Variants in GRIN2A observed in about 807,000 individuals in gnomAD.
GRIN2A encodes the protein glutamate receptor ionotropic, NMDA 2A.
A neutral mutation model predicts 113.4 loss-of-function variants in GRIN2A; 22 were observed. The observed-to-expected ratio is 0.19, with a 90% CI of 0.14 to 0.28. GRIN2A has a LOEUF of 0.28. GRIN2A is among the 10% of genes least tolerant of loss of function. The probability of loss-of-function intolerance (pLI) is 1.00; values close to 1 mark genes in which losing one functional copy is unlikely to be tolerated. For synonymous variants in GRIN2A, 827 were observed against 738.4 expected (o/e 1.12, Z -1.94); for missense variants, 1,502 against 1,887.0 (o/e 0.80, Z 3.78).
At chr16:10,008,568 T>C (rs1401307637) in intron 2 of GRIN2A, among the ~76,000 whole-genome samples, 3 of 152,194 alleles carry the variant, frequency 2.0e-5, no homozygotes, top group African/African-American at 7.2e-5. Context: ...CTAGGCAATG[T>C]TTACCCAAAA....
intron 2 of GRIN2A, among the ~76,000 whole-genome samples, chr16:9,980,702 G>T (rs1257048378): frequency 6.6e-6 from 1 of 151,988 alleles, no homozygotes; most frequent in African/African-American, 2.4e-5. Flanking sequence ...ATGGATGAAG[G>T]CTGGAAACCA....
At chr16:9,903,228 A>G (rs1183606103) in intron 3 of GRIN2A, among the ~76,000 whole-genome samples, 3 of 152,180 alleles carry the variant, frequency 2.0e-5, no homozygotes, top group African/African-American at 4.8e-5. Flanking sequence ...TCGGCCTCCC[A>G]AAGTGCTGGG....
rs190006327 is a variant in GRIN2A at position 9,756,163 on chromosome 16, T to C, written c.*6986A>G. 5.3e-5 allele frequency: 12 copies of C among 227,064 alleles called. No homozygotes were observed. In the Admixed American group the frequency reaches 5.7e-4, roughly 11 times the overall value. The allele number at this position is 227,064 out of a possible 1,614,324, so 14.1% of individuals were successfully genotyped here. On this transcript the variant is annotated 3_prime_UTR_variant, in exon 13 of 13. Transcript: ENST00000330684. Reference sequence around the variant, plus strand: ...GTGCATACCCACACACATGAGAGCATGTACTATGTATATATGTTTAATGGA... The same window carrying C: ...GTGCATACCCACACACATGAGAGCACGTACTATGTATATATGTTTAATGGA...
At chr16:10,081,907 A>G (rs1432699127) in intron 2 of GRIN2A, among the ~76,000 whole-genome samples, 1 of 152,320 alleles carries the variant, frequency 6.6e-6, no homozygotes, top group Middle Eastern at 3.4e-3. Context: ...AAATAAGCTC[A>G]AGGGCTCCAA....
In GRIN2A at chr16:9,857,176, T is replaced by C. The variant is rs191596614; in HGVS notation, c.1123-7215A>G. On this transcript the variant is annotated intron_variant, in intron 4 of 12. Coordinates refer to ENST00000330684, the MANE Select transcript of GRIN2A (RefSeq NM_001134407.3). The stretch of plus-strand genomic sequence containing the variant: ...AAGAAGGTCTAAGAAAGTGTCCTAG[T>C]CAAGAGGAGCCTAAGGCAATATTAC... Among the ~76,000 whole-genome samples the C allele has an allele frequency of 5.0e-3, 762 of 152,230 alleles. 4 individuals are homozygous for C. Among genetic ancestry groups the C allele is most frequent in the African/African-American group, 0.016 (681 of 41,544 alleles).
intron 3 of GRIN2A, among the ~76,000 whole-genome samples, chr16:9,914,904 GCTTTTTTTTT>G (rs2044213061): frequency 8.2e-5 from 4 of 48,692 alleles, no homozygotes; most frequent in African/African-American, 2.8e-4. Context: ...TGATTATGCA[GCTTTTTTTTT>G]TTTTTTTTTT....
intron 10 of GRIN2A, among the ~76,000 whole-genome samples, chr16:9,801,482 C>G (rs77226212): frequency 0.017 from 2,654 of 152,312 alleles, 78 homozygotes; most frequent in African/African-American, 0.06. Context: ...GGCTGGAAAT[C>G]TACACACGTA....
chr16:9,884,979 C>T (rs557460978), intron 4 of GRIN2A, among the ~76,000 whole-genome samples: 1 of 151,944 alleles, frequency 6.6e-6, no homozygotes, highest in Non-Finnish European at 1.5e-5. Context: ...CCTCGTGATC[C>T]ACCCACCTCG....
At chr16:10,056,226 C>T (rs1002575308) in intron 2 of GRIN2A, among the ~76,000 whole-genome samples, 1 of 152,162 alleles carries the variant, frequency 6.6e-6, no homozygotes, top group Non-Finnish European at 1.5e-5. Flanking sequence ...TTGATTCACC[C>T]ATACATATAT....
intron 11 of GRIN2A, among the ~76,000 whole-genome samples, chr16:9,784,478 A>G (rs7190738): frequency 2.2e-4 from 33 of 149,780 alleles, no homozygotes; most frequent in African/African-American, 6.8e-4. Flanking sequence ...ACCTAAAACC[A>G]TAAAAACCCT....
intron 4 of GRIN2A, among the ~76,000 whole-genome samples, chr16:9,882,047 C>T (rs1301333658): frequency 6.6e-6 from 1 of 151,218 alleles, no homozygotes; most frequent in Non-Finnish European, 1.5e-5. Flanking sequence ...CTCATACACA[C>T]ACACAACACA....
chr16:9,797,686 G>T (rs950529710), intron 11 of GRIN2A, among the ~76,000 whole-genome samples: 3 of 152,092 alleles, frequency 2.0e-5, no homozygotes, highest in Non-Finnish European at 2.9e-5. Flanking sequence ...AGTGAAATTG[G>T]GACTGATTAC....
intron 9 of GRIN2A, among the ~76,000 whole-genome samples, chr16:9,828,983 C>T (rs1422914704): frequency 6.6e-6 from 1 of 152,150 alleles, no homozygotes; most frequent in Admixed American, 6.6e-5. Context: ...CTGGGTAGGG[C>T]TTAAAGATGA....
intron 11 of GRIN2A, among the ~76,000 whole-genome samples, chr16:9,778,840 T>C (rs1011666012): frequency 6.6e-6 from 1 of 152,250 alleles, no homozygotes; most frequent in East Asian, 1.9e-4. Context: ...GCTCTGGCAC[T>C]GGAAGCCCAA....
intron 10 of GRIN2A, among the ~76,000 whole-genome samples, chr16:9,810,871 G>A (rs77599898): frequency 0.031 from 4,660 of 152,288 alleles, 122 homozygotes; most frequent in Middle Eastern, 0.061. Context: ...ATTTCTCTAT[G>A]GGAGGAAGGA....
intron 11 of GRIN2A, among the ~76,000 whole-genome samples, chr16:9,781,864 G>A (rs777567854): frequency 6.6e-6 from 1 of 152,086 alleles, no homozygotes; most frequent in Non-Finnish European, 1.5e-5. Flanking sequence ...ATAATGTAAT[G>A]GTTTCTGGTT....
chr16:10,117,735 T>G (rs189679793), intron 2 of GRIN2A, among the ~76,000 whole-genome samples: 10 of 152,304 alleles, frequency 6.6e-5, no homozygotes, highest in African/African-American at 2.4e-4. Context: ...GGGAGAGGGC[T>G]TAACAGAGAT....
chr16:9,768,791 AC>A lies in GRIN2A; in HGVS notation c.2595+59del. On this transcript the variant is annotated intron_variant, in intron 12 of 12. Transcript: ENST00000330684. ...TGCAGACCCCACTGAGACATCAAGA[AC>A]CCAAGCGCTTTTCTAAACCTGCTTG... The A allele has an allele frequency of 2.7e-6, 3 of 1,109,320 alleles. No individual in the cohort carries two copies. The South Asian group carries it at 3.7e-5, about 14-fold the overall frequency. 68.7% of individuals were successfully genotyped at this position (1,109,320 alleles called of 1,614,324 possible). A position where few individuals can be genotyped will look rare whatever the true frequency, so the allele number is the denominator to read the frequency against.
chr16:9,895,726 C>A (rs1376545907), intron 3 of GRIN2A, among the ~76,000 whole-genome samples: 1 of 152,128 alleles, frequency 6.6e-6, no homozygotes, highest in East Asian at 1.9e-4. Context: ...AATAAGTTAC[C>A]AGTCACTCTG....
Sources: allele counts gnomAD v4.1 joint callset (sites outside exome capture counted in the v4.1 genomes callset), GRCh38; gene constraint gnomAD v4.1.1; transcripts MANE v1.5; gene names NCBI Gene and HGNC (gene_info 2026-07-23, HGNC 2026-07-21).